The following PDCL3 variants were observed in gnomAD, a reference collection of about 807,000 sequenced individuals.
PDCL3 encodes phosducin like 3, also known as phosducin-like protein 3.
Under a neutral mutation model 26.5 loss-of-function variants are expected in PDCL3, and 22 were observed. The observed-to-expected ratio is 0.83, with a 90% CI of 0.59 to 1.19. The LOEUF is 1.19. Among genes scored for constraint, PDCL3 ranks in the 50% most tolerant of loss-of-function variants. The pLI is 0.00. For synonymous variants in PDCL3, 81 were observed against 104.9 expected, an observed-to-expected ratio of 0.77 and a Z score of 1.39; for missense variants, 246 against 294.1, an observed-to-expected ratio of 0.84 and a Z score of 1.20.
intron 5 of PDCL3, 118 bp downstream of exon 5, chr2:100,571,916 G>GTATGAGTGACTGTA (rs1406256386): frequency 1.1e-6 from 1 of 915,558 alleles, no homozygotes; most frequent in African/African-American, 1.7e-5. Flanking sequence ...TTCTGCCTGT[G>GTATGAGTGACTGTA]TATGAGGACG....
At position 100,571,867 on chromosome 2, in the gene PDCL3, A is replaced by G. The variant is rs569300153; in HGVS notation, c.577+69A>G. On this transcript the variant is annotated intron_variant, in intron 5 of 5. Transcript: ENST00000264254. ...CGCATTTCTGTTGGAGAGAGTGTCT[A>G]TTTCCTGGACTCCTGTTACGATGGT... The G allele has an allele frequency of 1.2e-5, 18 of 1,485,502 alleles. No homozygotes were observed. The African/African-American group carries it at 1.9e-4, about 16-fold the overall frequency. 92.0% of individuals were successfully genotyped at this position (1,485,502 alleles called of 1,614,324 possible).
intron 1 of PDCL3, among the ~76,000 whole-genome samples, chr2:100,563,958 C>G (rs1675009413): frequency 6.7e-6 from 1 of 149,468 alleles, no homozygotes; most frequent in Non-Finnish European, 1.5e-5. Flanking sequence ...GTTGCCCAGG[C>G]TGGAGTGCAG....
intron 5 of PDCL3, among the ~76,000 whole-genome samples, chr2:100,573,693 T>C (rs1675224174): frequency 6.6e-6 from 1 of 150,730 alleles, no homozygotes; most frequent in African/African-American, 2.4e-5. Context: ...AAAAAAGATA[T>C]TCAGCTGGGG....
intron 2 of PDCL3, among the ~76,000 whole-genome samples, chr2:100,567,273 A>G (rs1415437003): frequency 6.6e-6 from 1 of 152,180 alleles, no homozygotes; most frequent in African/African-American, 2.4e-5. Flanking sequence ...TTAGAGAAGG[A>G]TTTATTAGAA....
chr2:100,567,720 G>T (rs1033079574), intron 2 of PDCL3, among the ~76,000 whole-genome samples: 14 of 152,152 alleles, frequency 9.2e-5, no homozygotes, highest in Non-Finnish European at 1.9e-4. Context: ...AGAGAGTTCA[G>T]AGCAGCCTCA....
At chr2:100,566,718 T>G in intron 2 of PDCL3, 89 bp downstream of exon 2, 1 of 1,563,596 alleles carries the variant, frequency 6.4e-7, no homozygotes, top group Middle Eastern at 1.7e-4. Context: ...CAGGTTGGAG[T>G]GCCAGCATGG....
Position 100,569,492 on chromosome 2 carries a change from C to T in PDCL3, c.225-86C>T, listed in dbSNP as rs1675125404. The T allele has an allele frequency of 3.4e-6, 5 of 1,465,158 alleles. No individual in the cohort carries two copies. In the Admixed American group the frequency reaches 6.6e-5, roughly 19 times the overall value. 90.8% of individuals were successfully genotyped at this position (1,465,158 alleles called of 1,614,324 possible). A position where few individuals can be genotyped will look rare whatever the true frequency, so the allele number is the denominator to read the frequency against. On this transcript the variant is annotated intron_variant, in intron 3 of 5. Coordinates refer to ENST00000264254, the MANE Select transcript of PDCL3 (RefSeq NM_024065.5). ...TTTGCCATAAGACCAATAAATAAAC[C>T]TGGGCTTTTACAAGGATTGCCTTCT...
intron 2 of PDCL3, among the ~76,000 whole-genome samples, chr2:100,567,908 C>T (rs1158557204): frequency 2.6e-5 from 4 of 152,014 alleles, no homozygotes; most frequent in Admixed American, 6.6e-5. Flanking sequence ...CTGCAACCTC[C>T]GCCTCCCAGG....
chr2:100,571,455 T>A, intron 4 of PDCL3, 135 bp from the exon 5 acceptor site: 1 of 786,978 alleles, frequency 1.3e-6, no homozygotes, highest in Non-Finnish European at 2.0e-6. Flanking sequence ...AAAAACATGT[T>A]AATTCATCTT....
chr2:100,569,812 A>G, intron 4 of PDCL3, 91 bp downstream of exon 4: 1 of 1,470,476 alleles, frequency 6.8e-7, no homozygotes, highest in Non-Finnish European at 9.1e-7. Context: ...GGGTTAAGAA[A>G]TTTTTTTTTC....
In PDCL3 at chr2:100,569,703, T is replaced by C. The variant is rs1675130380; in HGVS notation, c.350T>C (p.Leu117Ser). ...GCTGGCGAGGGCTTGTGGGTCATCT[T>C]GCACCTTTACAAACAAGGGTGAGCT... ...TKAGEGLWVI[L>S]HLYKQGIPLC... The change falls in exon 4 of 6, where the codon TTG becomes TCG. Residue 117 changes from leucine (L) to serine (S), a missense_variant. Coordinates refer to ENST00000264254, the MANE Select transcript of PDCL3 (RefSeq NM_024065.5). 2 of 1,612,684 alleles carry C rather than the reference T, an allele frequency of 1.2e-6. No individual in the cohort carries two copies. The highest frequency in any genetic ancestry group is 8.5e-7 in the Non-Finnish European group (1 of 1,179,574).
intron 1 of PDCL3, among the ~76,000 whole-genome samples, chr2:100,563,915 G>GC (rs1553417075): frequency 7.1e-6 from 1 of 140,634 alleles, no homozygotes; most frequent in African/African-American, 2.6e-5. Flanking sequence ...GCCAGACACT[G>GC]TTTTTTTTTT....
intron 2 of PDCL3, among the ~76,000 whole-genome samples, chr2:100,568,526 G>A (rs1347495182): frequency 6.6e-6 from 1 of 152,174 alleles, no homozygotes; most frequent in Non-Finnish European, 1.5e-5. Context: ...CAGCTACTCA[G>A]GAGGCTGAGG....
rs750008453 is a variant in PDCL3 at position 100,571,713 on chromosome 2, C to T, written c.492C>T (p.Pro164=). Residue 164 remains proline, a synonymous_variant, in exon 5 of 6, where the codon CCC becomes CCT. Coordinates refer to ENST00000264254, the MANE Select transcript of PDCL3 (RefSeq NM_024065.5). ...CCAATTATCCTGATAGGAATCTGCC[C>T]ACGATATTTGTTTACCTGGAAGGAG... ...CIPNYPDRNL[P]TIFVYLEGDI... is the part of the protein sequence containing the mutation. 22 of 1,613,770 alleles carry T rather than the reference C, an allele frequency of 1.4e-5. No individual in the cohort carries two copies. In the South Asian group the frequency reaches 2.2e-4, roughly 16 times the overall value.
intron 3 of PDCL3, 125 bp from the exon 4 acceptor site, chr2:100,569,453 A>G: frequency 5.1e-6 from 6 of 1,183,378 alleles, no homozygotes; most frequent in Non-Finnish European, 6.9e-6. Flanking sequence ...ATTTTAGCAA[A>G]CTGATCTTAG....
chr2:100,575,415 A>G (rs111354317), intron 5 of PDCL3, among the ~76,000 whole-genome samples: 2,846 of 151,972 alleles, frequency 0.019, 65 homozygotes, highest in African/African-American at 0.051. Context: ...GATTACAGGC[A>G]TGTGCCACCG....
chr2:100,563,293 C>T (rs866229736), intron 1 of PDCL3: 2 of 508,206 alleles, frequency 3.9e-6, no homozygotes, highest in Middle Eastern at 5.2e-4. Flanking sequence ...GCCGGGTCCC[C>T]CAAACCTCGT....
chr2:100,570,741 G>A (rs187250015), intron 4 of PDCL3, among the ~76,000 whole-genome samples: 21 of 152,206 alleles, frequency 1.4e-4, no homozygotes, highest in African/African-American at 5.1e-4. Flanking sequence ...CTCCCAAAGT[G>A]CTGGGATTAC....
chr2:100,572,116 A>G (rs571113830), intron 5 of PDCL3: 1 of 327,330 alleles, frequency 3.1e-6, no homozygotes, highest in African/African-American at 2.1e-5. Flanking sequence ...TTTTGCTTTA[A>G]TTCACATGAA....
Sources: gnomAD v4.1 joint callset for allele counts (sites outside exome capture counted in the v4.1 genomes callset) on GRCh38, gnomAD v4.1.1 for gene constraint, MANE v1.5 for transcripts, NCBI Gene and HGNC (gene_info 2026-07-23, HGNC 2026-07-21) for gene names.